The following SLC35F3 variants were observed in gnomAD, a reference collection of about 807,000 sequenced individuals.
The protein encoded by SLC35F3 is solute carrier family 35 member F3.
Under a neutral mutation model 49.9 loss-of-function variants are expected in SLC35F3, and 25 were observed. The ratio of observed to expected loss-of-function variants is 0.50; its 90% CI spans 0.37 to 0.70. The LOEUF (loss-of-function observed/expected upper bound fraction) is 0.70, where lower values mean the gene tolerates loss of function less well. Among genes scored for constraint, SLC35F3 ranks in the 30% least tolerant of loss-of-function variants. The pLI is 0.00. For missense variants in SLC35F3, 525 were observed against 639.8 expected (o/e 0.82, Z 1.94); for synonymous variants, 275 against 265.4 (o/e 1.04, Z -0.35).
chr1:233,996,907 G>GTC (rs1558200477), intron 2 of SLC35F3, among the ~76,000 whole-genome samples: 3 of 151,324 alleles, frequency 2.0e-5, no homozygotes, highest in African/African-American at 7.4e-5. Flanking sequence ...CATATTGGGT[G>GTC]ACCCTGTGAC....
At chr1:234,103,313 T>A (rs988204611) in intron 2 of SLC35F3, among the ~76,000 whole-genome samples, 2 of 152,160 alleles carry the variant, frequency 1.3e-5, no homozygotes. Context: ...TAAGAAAAAT[T>A]CACTGCATCT....
intron 2 of SLC35F3, among the ~76,000 whole-genome samples, chr1:234,230,921 GA>G (rs764830236): frequency 6.6e-6 from 1 of 152,192 alleles, no homozygotes; most frequent in Non-Finnish European, 1.5e-5. Flanking sequence ...AAGGTACTGG[GA>G]CCTTTTAGAG....
intron 2 of SLC35F3, among the ~76,000 whole-genome samples, chr1:234,170,066 C>T (rs1032194657): frequency 8.5e-5 from 13 of 152,164 alleles, no homozygotes; most frequent in African/African-American, 2.9e-4. Flanking sequence ...TGCACCTGGC[C>T]TCCAGGGGAA....
At chr1:234,198,769 A>G (rs1666852965) in intron 2 of SLC35F3, among the ~76,000 whole-genome samples, 1 of 152,220 alleles carries the variant, frequency 6.6e-6, no homozygotes, top group South Asian at 2.1e-4. Flanking sequence ...GAGAATGTAA[A>G]GAATCTATTC....
intron 2 of SLC35F3, among the ~76,000 whole-genome samples, chr1:234,163,911 T>C (rs1169807041): frequency 1.3e-5 from 2 of 152,146 alleles, no homozygotes; most frequent in Non-Finnish European, 2.9e-5. Flanking sequence ...AAAGAACTTA[T>C]TCAGTAACTG....
At chr1:234,244,267 G>GA (rs1426331293) in intron 3 of SLC35F3, among the ~76,000 whole-genome samples, 2 of 152,176 alleles carry the variant, frequency 1.3e-5, no homozygotes, top group African/African-American at 2.4e-5. Flanking sequence ...TATCTGGACA[G>GA]AAAATGTCAA....
chr1:234,144,164 G>A (rs1177645867), intron 2 of SLC35F3, among the ~76,000 whole-genome samples: 1 of 152,204 alleles, frequency 6.6e-6, no homozygotes, highest in East Asian at 1.9e-4. Flanking sequence ...GAAGCTATAA[G>A]CTTCCTGTGT....
At chr1:233,923,799 C>T (rs144896555) in intron 2 of SLC35F3, among the ~76,000 whole-genome samples, 3,177 of 151,580 alleles carry the variant, frequency 0.021, 93 homozygotes, top group African/African-American at 0.072. Flanking sequence ...ATAAATAGCT[C>T]TTATTTTGAG....
chr1:234,317,121 T>G (rs1260642615), intron 5 of SLC35F3, among the ~76,000 whole-genome samples: 3 of 152,254 alleles, frequency 2.0e-5, no homozygotes, highest in African/African-American at 7.2e-5. Flanking sequence ...AGCTTTGTCA[T>G]GTAAATCTTT....
intron 3 of SLC35F3, among the ~76,000 whole-genome samples, chr1:234,307,951 C>T (rs1182451511): frequency 1.3e-5 from 2 of 152,340 alleles, no homozygotes; most frequent in East Asian, 3.9e-4. Context: ...CCACGGCCTC[C>T]TCTACTTCCT....
chr1:234,066,357 C>G (rs1050314424), intron 2 of SLC35F3, among the ~76,000 whole-genome samples: 3 of 152,136 alleles, frequency 2.0e-5, no homozygotes, highest in Non-Finnish European at 4.4e-5. Flanking sequence ...CTCCCCACCT[C>G]TCTGGCCTCA....
intron 3 of SLC35F3, among the ~76,000 whole-genome samples, chr1:234,295,379 G>A (rs964093398): frequency 6.6e-6 from 1 of 152,350 alleles, no homozygotes; most frequent in South Asian, 2.1e-4. Context: ...GGGCTTTGAA[G>A]ATTGCCATTC....
At position 234,231,553 on chromosome 1, in the gene SLC35F3, G is replaced by A. The variant is rs766273673; in HGVS notation, c.420G>A (p.Ala140=). 3.1e-6 allele frequency: 5 copies of A among 1,613,994 alleles called. No homozygotes were observed. The African/African-American group carries it at 5.3e-5, about 17-fold the overall frequency. ...TCAAGAAGATCTTCTGGGGCGTGGC[G>A]GTCGTGCTGTGCGTGTGCTCCTCGT... ...AQLKKIFWGV[A]VVLCVCSSWA... The change falls in exon 3 of 8, where the codon GCG becomes GCA. Residue 140 remains alanine, a synonymous_variant. Transcript: ENST00000366618. The surrounding 1 kb of genome is among the most constrained non-coding windows in gnomAD (Gnocchi z 5.4).
chr1:234,206,102 G>A (rs1410718707), intron 2 of SLC35F3, among the ~76,000 whole-genome samples: 1 of 152,092 alleles, frequency 6.6e-6, no homozygotes, highest in East Asian at 1.9e-4. Flanking sequence ...GCAGGGAGAT[G>A]TGACAAGTAC....
At chr1:234,012,230 T>C (rs545387281) in intron 2 of SLC35F3, among the ~76,000 whole-genome samples, 1 of 152,326 alleles carries the variant, frequency 6.6e-6, no homozygotes, top group Non-Finnish European at 1.5e-5. Flanking sequence ...CCTCCCGCCA[T>C]AGGGTGGTTT....
chr1:234,219,986 C>G (rs568614179), intron 2 of SLC35F3, among the ~76,000 whole-genome samples: 1 of 152,000 alleles, frequency 6.6e-6, no homozygotes, highest in Non-Finnish European at 1.5e-5. Context: ...TGGGCCAGAG[C>G]GTAGTGATCA....
chr1:234,102,688 C>T (rs1297838964), intron 2 of SLC35F3, among the ~76,000 whole-genome samples: 1 of 152,202 alleles, frequency 6.6e-6, no homozygotes, highest in Middle Eastern at 3.2e-3. Context: ...ATAACAACTT[C>T]AGCTCTCCAC....
At chr1:233,977,459 A>G (rs192589625) in intron 2 of SLC35F3, among the ~76,000 whole-genome samples, 1 of 152,314 alleles carries the variant, frequency 6.6e-6, no homozygotes, top group Admixed American at 6.5e-5. Flanking sequence ...GTGCCAGAGT[A>G]CCTGGTTCTG....
chr1:234,294,088 A>G (rs1328590708), intron 3 of SLC35F3, among the ~76,000 whole-genome samples: 1 of 152,238 alleles, frequency 6.6e-6, no homozygotes, highest in Non-Finnish European at 1.5e-5. Context: ...CTAAAGACAA[A>G]TCTATGCCCA....
Sources: allele counts gnomAD v4.1 joint callset (sites outside exome capture counted in the v4.1 genomes callset), GRCh38; gene constraint gnomAD v4.1.1; non-coding constraint Gnocchi (gnomAD v3.1); transcripts MANE v1.5; gene names NCBI Gene and HGNC (gene_info 2026-07-23, HGNC 2026-07-21).